ABCC6: variants seen among roughly 807,000 people sequenced by gnomAD.
The protein encoded by ABCC6 is ATP binding cassette subfamily C member 6.
In ABCC6, 126 loss-of-function variants were observed where a neutral mutation model predicts 169.5. The ratio of observed to expected loss-of-function variants is 0.74; its 90% CI spans 0.64 to 0.86. ABCC6 has a LOEUF of 0.86. Ranked by LOEUF, ABCC6 falls within the 40% of genes least tolerant of loss-of-function variation. The probability of loss-of-function intolerance (pLI) is 0.00; values close to 1 mark genes in which losing one functional copy is unlikely to be tolerated. For missense variants in ABCC6, 1,733 were observed against 1,927.2 expected (o/e 0.90, Z 1.89); for synonymous variants, 752 against 814.7 (o/e 0.92, Z 1.31).
At position 16,192,907 on chromosome 16, in the gene ABCC6, C is replaced by A; in HGVS notation, c.1354G>T (p.Ala452Ser). The A allele has an allele frequency of 6.2e-7, 1 of 1,614,040 alleles. No individual in the cohort carries two copies. Among genetic ancestry groups the A allele is most frequent in the Non-Finnish European group, 8.5e-7 (1 of 1,179,968 alleles). Residue 452 changes from alanine to serine, a missense_variant, in exon 11 of 31, where the codon GCC becomes TCC. Physicochemically the swap from Ala to Ser is moderately conservative, Grantham distance 99 (BLOSUM62 1). This residue lies in a region of ABCC6 where 1,601 missense variants were observed against 1,635.5 expected (regional missense o/e 0.98). Transcript: ENST00000205557. ...AGGAAGACAGCGATGGCAGTGAGGG[C>A]GGAGGGCCCCAGGAGCTGGGGATAG... ...VYLWQLLGPS[A>S]LTAIAVFLSL...
chr16:16,184,959 C>T lies in ABCC6; in HGVS notation c.1943G>A (p.Arg648Lys). 6.2e-7 allele frequency: 1 copy of T among 1,612,612 alleles called. No individual in the cohort carries two copies. The highest frequency in any genetic ancestry group is 8.5e-7 in the Non-Finnish European group (1 of 1,178,608). Residue 648 changes from arginine to lysine, a missense_variant and splice_region_variant, in exon 15 of 31, where the codon AGA becomes AAA. Arg to Lys is a conservative substitution (Grantham distance 26, BLOSUM62 2). Coordinates refer to ENST00000205557, the MANE Select transcript of ABCC6 (RefSeq NM_001171.6). The part of the protein sequence containing the change: ...WSQESPPCLH[R>K]INLTVPQGCL... ...GGTTACTACGGGTGTCGTTCTGTAC[C>T]TGTGGAGGCAGGGAGGGCTTTCCTG... is the stretch of plus-strand genomic sequence containing the variant.
chr16:16,186,465 A>G (rs1358142499), intron 14 of ABCC6, among the ~76,000 whole-genome samples: 1 of 151,742 alleles, frequency 6.6e-6, no homozygotes, highest in African/African-American at 2.4e-5. Flanking sequence ...ATCTGTGTTT[A>G]TAGCCACTCC....
rs1555507925 is a variant in ABCC6 at position 16,157,768 on chromosome 16, C to T, written c.3777G>A (p.Trp1259Ter). ...GGAACTCGATCTGCCCGCCCTGAGG[C>T]CAGGGGGGCTGAGCTGCACATGTGG... ...RLPTCAAQPP[W>*]PQGGQIEFRD... The change falls in exon 27 of 31, where the codon TGG becomes TGA. Residue 1259 changes from tryptophan to a stop codon, truncating the protein, a stop_gained. Transcript: ENST00000205557. LOFTEE classifies it high-confidence loss of function. The T allele has an allele frequency of 6.2e-7, 1 of 1,613,620 alleles. No individual in the cohort carries two copies. The highest frequency in any genetic ancestry group is 8.5e-7 in the Non-Finnish European group (1 of 1,179,976).
chr16:16,191,260 C>T (rs1029238863), intron 11 of ABCC6, among the ~76,000 whole-genome samples: 13 of 152,164 alleles, frequency 8.5e-5, no homozygotes, highest in African/African-American at 3.1e-4. Context: ...GGATTACAGG[C>T]GCCCGCCACC....
At chr16:16,200,739 G>A (rs1209703418) in intron 9 of ABCC6, among the ~76,000 whole-genome samples, 1 of 151,658 alleles carries the variant, frequency 6.6e-6, no homozygotes, top group Non-Finnish European at 1.5e-5. Flanking sequence ...CAGCTCAGGT[G>A]TCAGGGAATG....
At chr16:16,171,217 T>G (rs975591531) in intron 21 of ABCC6, among the ~76,000 whole-genome samples, 9 of 151,788 alleles carry the variant, frequency 5.9e-5, no homozygotes, top group African/African-American at 2.2e-4. Flanking sequence ...TGGTCTCTAT[T>G]TCATCATTCT....
chr16:16,195,246 G>C (rs2152275185), intron 10 of ABCC6, among the ~76,000 whole-genome samples: 1 of 149,234 alleles, frequency 6.7e-6, no homozygotes, highest in South Asian at 2.2e-4. Flanking sequence ...GGCAGGAAAA[G>C]TACACAAGCA....
At chr16:16,176,036 TTGACACCCAC>T (rs1428226552) in intron 19 of ABCC6, 50 bp from the exon 20 acceptor site, 1 of 1,569,858 alleles carries the variant, frequency 6.4e-7, no homozygotes, top group African/African-American at 1.4e-5. Context: ...GATACCCACT[TTGACACCCAC>T]TGACTATGTG....
intron 13 of ABCC6, 135 bp from the exon 14 acceptor site, chr16:16,187,346 T>C: frequency 1.3e-6 from 1 of 753,106 alleles, no homozygotes; most frequent in South Asian, 1.5e-5. Flanking sequence ...AGGACAAAGC[T>C]TTCTAGTTCA....
rs1330004346 is a variant in ABCC6 at position 16,165,890 on chromosome 16, C to G, written c.3039G>C (p.Gly1013=). ...GGAAGAGCAACCTGGATGCCCGGGC[C>G]CCACCTAGGAGCACCGCAGCCATGG... The part of the protein sequence containing the change: ...FASMAAVLLG[G]ARASRLLFQR... Residue 1013 remains glycine, a synonymous_variant, in exon 23 of 31, where the codon GGG becomes GGC. Transcript: ENST00000205557. 1.2e-6 allele frequency: 2 copies of G among 1,612,996 alleles called. No homozygotes were observed. Among genetic ancestry groups the G allele is most frequent in the African/African-American group, 2.7e-5 (2 of 74,914 alleles).
chr16:16,150,011 A>G lies in ABCC6; in HGVS notation c.*122T>C. On this transcript the variant is annotated 3_prime_UTR_variant, in exon 31 of 31. Transcript: ENST00000205557. ...ACTTTCTCTGCCATTTTCCTCCCAG[A>G]GAGCAAACACAGGTCTAGACTCAAT... 6.9e-7 allele frequency: 1 copy of G among 1,449,590 alleles called. No individual in the cohort carries two copies. Among genetic ancestry groups the G allele is most frequent in the South Asian group, 1.2e-5 (1 of 81,632 alleles). 89.8% of individuals were successfully genotyped at this position (1,449,590 alleles called of 1,614,324 possible). A position where few individuals can be genotyped will look rare whatever the true frequency, so the allele number is the denominator to read the frequency against.
In ABCC6 at chr16:16,213,173, C is replaced by G. The variant is rs181313502; in HGVS notation, c.601-927G>C. ...AATCATAGCTCACTGCAGCCTTTAT[C>G]TCTTGGATTCAAGCAATCCTCCTGC... On this transcript the variant is annotated intron_variant, in intron 5 of 30. Transcript: ENST00000205557. Among the ~76,000 whole-genome samples, 283 of 150,644 alleles carry G rather than the reference C, an allele frequency of 1.9e-3. 2 individuals carry two copies. Among genetic ancestry groups the G allele is most frequent in the Non-Finnish European group, 2.9e-3 (194 of 67,818 alleles).
chr16:16,191,769 C>T (rs1162156993), intron 11 of ABCC6, among the ~76,000 whole-genome samples: 1 of 151,102 alleles, frequency 6.6e-6, no homozygotes, highest in African/African-American at 2.4e-5. Flanking sequence ...TCCTTCCCTC[C>T]CTCCTTTTCT....
chr16:16,198,721 C>T (rs11639499), intron 9 of ABCC6, among the ~76,000 whole-genome samples: 3 of 148,192 alleles, frequency 2.0e-5, no homozygotes, highest in East Asian at 4.0e-4. Flanking sequence ...GGGCCGGGTG[C>T]GGTGCCTCAC....
At chr16:16,173,496 G>A (rs1180714065) in intron 20 of ABCC6, 92 bp from the exon 21 acceptor site, 28 of 1,475,504 alleles carry the variant, frequency 1.9e-5, no homozygotes, top group South Asian at 9.1e-5. Context: ...CAGCCACTGA[G>A]CTCTGGGTAC....
intron 24 of ABCC6, among the ~76,000 whole-genome samples, chr16:16,162,741 A>C (rs748508297): frequency 6.6e-6 from 1 of 152,194 alleles, no homozygotes; most frequent in Admixed American, 6.5e-5. Context: ...TTTATCACCA[A>C]GGCAAAAGAG....
chr16:16,189,932 ACT>A (rs1483053083), intron 12 of ABCC6, among the ~76,000 whole-genome samples: 1 of 151,882 alleles, frequency 6.6e-6, no homozygotes, highest in Admixed American at 6.6e-5. Context: ...GAAGCCTGGA[ACT>A]CTCTCTGAGA....
intron 19 of ABCC6, 128 bp downstream of exon 19, chr16:16,177,324 T>C: frequency 9.4e-7 from 1 of 1,061,744 alleles, no homozygotes; most frequent in Admixed American, 1.7e-5. Context: ...AGCTGTCTGC[T>C]TCCAGGCCTA....
Position 16,149,675 on chromosome 16 carries a change from C to G in ABCC6, c.*458G>C, listed in dbSNP as rs75141580. 4.0e-3 allele frequency: 1,140 copies of G among 286,776 alleles called. 10 individuals carry two copies. Among genetic ancestry groups the G allele is most frequent in the African/African-American group, 0.022 (1,021 of 47,484 alleles). 17.8% of individuals were successfully genotyped at this position (286,776 alleles called of 1,614,324 possible). A position where few individuals can be genotyped will look rare whatever the true frequency, so the allele number is the denominator to read the frequency against. On this transcript the variant is annotated 3_prime_UTR_variant, in exon 31 of 31. Coordinates refer to ENST00000205557, the MANE Select transcript of ABCC6 (RefSeq NM_001171.6). ...TGTTACCATTGGGTGAAATGGGGTA[C>G]CAAGTACACGAATCTCTCTATATTA...
Sources: gnomAD v4.1 joint callset for allele counts (sites outside exome capture counted in the v4.1 genomes callset) on GRCh38, gnomAD v4.1.1 for gene constraint, gnomAD v4.1.1 regional missense constraint, MANE v1.5 for transcripts, NCBI Gene and HGNC (gene_info 2026-07-23, HGNC 2026-07-21) for gene names.